The following LCLAT1 variants were observed in gnomAD, a reference collection of about 807,000 sequenced individuals.
The protein encoded by LCLAT1 is lysocardiolipin acyltransferase 1.
Under a neutral mutation model 30.7 loss-of-function variants are expected in LCLAT1, and 11 were observed. The observed-to-expected ratio is 0.36, with a 90% CI of 0.23 to 0.59. LCLAT1 has a LOEUF of 0.59. LCLAT1 is among the 20% of genes least tolerant of loss of function. LCLAT1 has a pLI of 0.77. For missense variants in LCLAT1, 402 were observed against 458.6 expected, an observed-to-expected ratio of 0.88 and a Z score of 1.13; for synonymous variants, 155 against 151.3, an observed-to-expected ratio of 1.02 and a Z score of -0.18.
chr2:30,586,323 C>T (rs533651430), intron 5 of LCLAT1, among the ~76,000 whole-genome samples: 1 of 151,262 alleles, frequency 6.6e-6, no homozygotes, highest in Admixed American at 6.6e-5. Context: ...AAGGTATTGG[C>T]AGAGCCACGC....
At chr2:30,632,996 T>C (rs1160323982) in intron 5 of LCLAT1, among the ~76,000 whole-genome samples, 1 of 152,196 alleles carries the variant, frequency 6.6e-6, no homozygotes, top group Non-Finnish European at 1.5e-5. Context: ...ATTTTGAAGC[T>C]GAAAGGTATA....
At chr2:30,503,395 A>G (rs1174392031) in intron 1 of LCLAT1, among the ~76,000 whole-genome samples, 2 of 152,178 alleles carry the variant, frequency 1.3e-5, no homozygotes, top group Non-Finnish European at 2.9e-5. Flanking sequence ...TTGGATTTAT[A>G]TATCTAGGAC....
intron 1 of LCLAT1, among the ~76,000 whole-genome samples, chr2:30,512,165 T>C (rs1314178364): frequency 2.0e-5 from 3 of 152,232 alleles, no homozygotes; most frequent in Non-Finnish European, 4.4e-5. Flanking sequence ...TCTTCAGACC[T>C]TTTTAGTTTT....
intron 1 of LCLAT1, among the ~76,000 whole-genome samples, chr2:30,486,853 A>G (rs890490521): frequency 4.6e-5 from 7 of 152,176 alleles, no homozygotes; most frequent in Admixed American, 1.3e-4. Flanking sequence ...TGCCCCACCA[A>G]TGTGAGCCTT....
At chr2:30,533,854 TACA>T (rs887130599) in intron 3 of LCLAT1, among the ~76,000 whole-genome samples, 1 of 152,344 alleles carries the variant, frequency 6.6e-6, no homozygotes, top group African/African-American at 2.4e-5. Context: ...TGGCTAGGAA[TACA>T]ACATGTTCAT....
chr2:30,583,879 T>C (rs914502318), intron 5 of LCLAT1, among the ~76,000 whole-genome samples: 1 of 152,164 alleles, frequency 6.6e-6, no homozygotes, highest in East Asian at 1.9e-4. Flanking sequence ...ATGTTTGAAA[T>C]AAACAAGAAG....
chr2:30,595,322 T>G (rs989813772), intron 5 of LCLAT1, among the ~76,000 whole-genome samples: 1 of 152,186 alleles, frequency 6.6e-6, no homozygotes, highest in African/African-American at 2.4e-5. Flanking sequence ...ATTTTTATAG[T>G]GGACCCAGAC....
chr2:30,591,073 G>A (rs1183017606), intron 5 of LCLAT1, among the ~76,000 whole-genome samples: 2 of 151,914 alleles, frequency 1.3e-5, no homozygotes, highest in Non-Finnish European at 2.9e-5. Flanking sequence ...AAATGTTATA[G>A]CTATTGAGGA....
intron 1 of LCLAT1, among the ~76,000 whole-genome samples, chr2:30,464,550 G>C (rs79463750): frequency 4.5e-4 from 69 of 152,322 alleles, no homozygotes; most frequent in African/African-American, 1.5e-3. Context: ...CAATGTAGAA[G>C]AGAAAGAACG....
chr2:30,563,118 A>G (rs1022755313), intron 4 of LCLAT1, among the ~76,000 whole-genome samples: 9 of 151,596 alleles, frequency 5.9e-5, no homozygotes, highest in Admixed American at 1.3e-4. Context: ...ATCATGGTTC[A>G]CTACAGCCTT....
intron 1 of LCLAT1, among the ~76,000 whole-genome samples, chr2:30,502,785 G>A (rs1289619604): frequency 6.6e-6 from 1 of 152,002 alleles, no homozygotes; most frequent in Non-Finnish European, 1.5e-5. Context: ...AAGTCTATTT[G>A]GGTTGTTTCC....
chr2:30,603,955 T>A (rs1667307841), intron 5 of LCLAT1, among the ~76,000 whole-genome samples: 1 of 152,144 alleles, frequency 6.6e-6, no homozygotes. Context: ...GGAAAAATGA[T>A]TTGTGGAATA....
At chr2:30,555,277 T>A (rs1228212259) in intron 3 of LCLAT1, among the ~76,000 whole-genome samples, 1 of 152,092 alleles carries the variant, frequency 6.6e-6, no homozygotes, top group Non-Finnish European at 1.5e-5. Context: ...AACTAGCCTC[T>A]AAAATTGAGA....
Position 30,521,489 on chromosome 2 carries a change from CTTCTTTTTTT to C in LCLAT1, c.-4-4095_-4-4086del, listed in dbSNP as rs1175059924. ...GTTTCCTCAACCCCCTAAACTACTTCTTCTTTTTTTTTTTTTTTTTTTTTTTTTTTTTTTT... is the reference window on the plus strand; with the variant it reads ...GTTTCCTCAACCCCCTAAACTACTTCTTTTTTTTTTTTTTTTTTTTTTTTT... On this transcript the variant is annotated intron_variant, in intron 1 of 5. Coordinates refer to ENST00000379509, the MANE Select transcript of LCLAT1 (RefSeq NM_001002257.3). Among the ~76,000 whole-genome samples the C allele has an allele frequency of 9.5e-4, 53 of 55,556 alleles. 1 individual carries two copies. Among genetic ancestry groups the C allele is most frequent in the East Asian group, 1.1e-3 (2 of 1,750 alleles). The allele number at this position is 55,556 out of a possible 152,430, so 36.4% of individuals were successfully genotyped here.
chr2:30,629,148 T>C (rs1305741804), intron 5 of LCLAT1, among the ~76,000 whole-genome samples: 4 of 152,194 alleles, frequency 2.6e-5, no homozygotes, highest in African/African-American at 9.7e-5. Context: ...TAGAAAACAT[T>C]TACTCTATAT....
chr2:30,555,076 G>A (rs1160933592), intron 3 of LCLAT1, among the ~76,000 whole-genome samples: 2 of 151,954 alleles, frequency 1.3e-5, no homozygotes, highest in African/African-American at 2.4e-5. Context: ...TAAAACTATG[G>A]GTGAAGAGAA....
chr2:30,569,349 A>T (rs1665667448), intron 5 of LCLAT1, among the ~76,000 whole-genome samples: 1 of 152,268 alleles, frequency 6.6e-6, no homozygotes, highest in South Asian at 2.1e-4. Flanking sequence ...ACATTTGTAC[A>T]TACAAATAAC....
At chr2:30,562,340 T>C (rs745335184) in intron 4 of LCLAT1, 48 bp downstream of exon 4, 2 of 1,445,612 alleles carry the variant, frequency 1.4e-6, no homozygotes, top group Non-Finnish European at 1.9e-6. Context: ...TAGTCTAAAC[T>C]TCTCATTTCT....
chr2:30,534,099 C>G (rs1203436035), intron 3 of LCLAT1, among the ~76,000 whole-genome samples: 2 of 152,144 alleles, frequency 1.3e-5, no homozygotes, highest in Non-Finnish European at 2.9e-5. Context: ...ACTATGTACC[C>G]TCTTAAACCA....
Sources: gnomAD v4.1 joint callset for allele counts (sites outside exome capture counted in the v4.1 genomes callset) on GRCh38, gnomAD v4.1.1 for gene constraint, MANE v1.5 for transcripts, NCBI Gene and HGNC (gene_info 2026-07-23, HGNC 2026-07-21) for gene names.